Variants in INPP4A observed in about 807,000 individuals in gnomAD.
INPP4A encodes the protein inositol polyphosphate-4-phosphatase type I A, also known as inositol polyphosphate-4-phosphatase, type I, 107kD.
In INPP4A, 33 loss-of-function variants were observed where a neutral mutation model predicts 119.8. The observed-to-expected ratio is 0.28, with a 90% confidence interval of 0.21 to 0.37. INPP4A has a LOEUF of 0.37. Among genes scored for constraint, INPP4A ranks in the 10% least tolerant of loss-of-function variants. The pLI, the probability that INPP4A is intolerant of heterozygous loss-of-function variation, is 1.00. For missense variants in INPP4A, 956 were observed against 1,289.9 expected (o/e 0.74, Z 3.97); for synonymous variants, 496 against 500.7 (o/e 0.99, Z 0.12).
chr2:98,462,632 C>A (rs1193477169), intron 1 of INPP4A, among the ~76,000 whole-genome samples: 1 of 151,090 alleles, frequency 6.6e-6, no homozygotes, highest in African/African-American at 2.4e-5. Flanking sequence ...CTCAAGTGAT[C>A]TTCCCACTTT....
intron 1 of INPP4A, among the ~76,000 whole-genome samples, chr2:98,496,145 T>C (rs147566319): frequency 5.6e-4 from 85 of 152,170 alleles, no homozygotes; most frequent in Admixed American, 1.1e-3. Context: ...GGGAGGAGGG[T>C]ATAAATGAGA....
At chr2:98,467,002 C>G (rs1168783469) in intron 1 of INPP4A, among the ~76,000 whole-genome samples, 1 of 152,206 alleles carries the variant, frequency 6.6e-6, no homozygotes, top group Non-Finnish European at 1.5e-5. Flanking sequence ...GCTCACAATT[C>G]TGATGGCTGG....
chr2:98,493,588 G>C (rs988064602), intron 1 of INPP4A, among the ~76,000 whole-genome samples: 1 of 151,884 alleles, frequency 6.6e-6, no homozygotes, highest in Non-Finnish European at 1.5e-5. Flanking sequence ...GTAGAGACAG[G>C]GTTTCGCTAT....
At chr2:98,488,354 G>C (rs765466625) in intron 1 of INPP4A, among the ~76,000 whole-genome samples, 5 of 152,174 alleles carry the variant, frequency 3.3e-5, no homozygotes, top group Non-Finnish European at 7.3e-5. Context: ...ACTCAGCTGA[G>C]CAAAAGCAAA....
In INPP4A at chr2:98,533,515, C is replaced by T; in HGVS notation, c.270+20C>T. ...ATTGAGGTGGGTGCTGGTGGTCTCT[C>T]TCTGAGGGGCTGTGGGACATGCTCT... On this transcript the variant is annotated intron_variant, in intron 5 of 24. Coordinates refer to ENST00000409851, the MANE Select transcript of INPP4A (RefSeq NM_001134225.2). 7.1e-7 allele frequency: 1 copy of T among 1,415,376 alleles called. No homozygotes were observed. The highest frequency in any genetic ancestry group is 1.0e-6 in the Non-Finnish European group (1 of 998,930). 87.7% of individuals were successfully genotyped at this position (1,415,376 alleles called of 1,614,324 possible).
At chr2:98,573,990 A>T (rs1240725490) in intron 23 of INPP4A, among the ~76,000 whole-genome samples, 1 of 152,170 alleles carries the variant, frequency 6.6e-6, no homozygotes, top group East Asian at 1.9e-4. Flanking sequence ...ATCAATCTGC[A>T]GGTCTCCCCT....
intron 4 of INPP4A, among the ~76,000 whole-genome samples, chr2:98,526,332 G>A (rs1688177226): frequency 6.6e-6 from 1 of 152,124 alleles, no homozygotes; most frequent in South Asian, 2.1e-4. Context: ...AAAGCTCATT[G>A]AACAGAAAAA....
At chr2:98,540,224 G>T (rs756121321) in intron 10 of INPP4A, among the ~76,000 whole-genome samples, 4 of 152,220 alleles carry the variant, frequency 2.6e-5, no homozygotes, top group Non-Finnish European at 4.4e-5. Flanking sequence ...GAGCCACCAT[G>T]CCCGGCCTTC....
In INPP4A at chr2:98,451,549, C is replaced by T. The variant is rs3769742; in HGVS notation, c.-166+6464C>T. Among the ~76,000 whole-genome samples the T allele has an allele frequency of 6.5e-4, 99 of 152,238 alleles. 2 individuals carry two copies. The East Asian group carries it at 0.01, about 15-fold the overall frequency. ...TAGTTTTCCTGACCTCCGGTTGCTGCAGCGCCCCTCTTTTTGCACCTCACT... is the reference window on the plus strand; with the variant it reads ...TAGTTTTCCTGACCTCCGGTTGCTGTAGCGCCCCTCTTTTTGCACCTCACT... On this transcript the variant is annotated intron_variant, in intron 1 of 24. Coordinates refer to ENST00000409851, the MANE Select transcript of INPP4A (RefSeq NM_001134225.2).
At chr2:98,523,071 G>A (rs963576075) in intron 4 of INPP4A, among the ~76,000 whole-genome samples, 3 of 152,186 alleles carry the variant, frequency 2.0e-5, no homozygotes, top group Non-Finnish European at 4.4e-5. Context: ...CCAGGAAACA[G>A]GGTCATCACA....
chr2:98,578,136 C>T (rs1392152011), intron 24 of INPP4A, among the ~76,000 whole-genome samples: 1 of 152,174 alleles, frequency 6.6e-6, no homozygotes, highest in Admixed American at 6.5e-5. Context: ...AGCTCGCCAT[C>T]CCTCTGCCCA....
chr2:98,501,082 C>CG (rs1377735995), intron 1 of INPP4A, among the ~76,000 whole-genome samples: 1 of 152,156 alleles, frequency 6.6e-6, no homozygotes, highest in Admixed American at 6.5e-5. Flanking sequence ...TTTGGGAGGC[C>CG]GGGGCAGGCG....
rs1277035145 is a variant in INPP4A, at chr2:98,554,261, G to A, written c.1348-10G>A. On this transcript the variant is annotated splice_polypyrimidine_tract_variant and intron_variant, in intron 14 of 24. Coordinates refer to ENST00000409851, the MANE Select transcript of INPP4A (RefSeq NM_001134225.2). The surrounding 1 kb of genome is among the most constrained non-coding windows in gnomAD (Gnocchi z 4.7). ...TGGGCTCAGCAGCCTTGGTTTGTGT[G>A]CACCTGCAGACACGGCAGCTGGTCA... 1 of 1,588,776 alleles carries A rather than the reference G, an allele frequency of 6.3e-7. No homozygotes were observed. Among genetic ancestry groups the A allele is most frequent in the Non-Finnish European group, 8.6e-7 (1 of 1,167,640 alleles).
At chr2:98,504,613 G>A (rs934325169) in intron 1 of INPP4A, among the ~76,000 whole-genome samples, 2 of 152,152 alleles carry the variant, frequency 1.3e-5, no homozygotes, top group East Asian at 1.9e-4. Context: ...TTGTCTTCCC[G>A]GCATTTCATT....
chr2:98,564,518 C>T, intron 18 of INPP4A, 122 bp from the exon 19 acceptor site: 1 of 1,226,920 alleles, frequency 8.2e-7, no homozygotes, highest in Non-Finnish European at 1.2e-6. Context: ...TGGGAGGTGC[C>T]ACTGAAGCCC....
chr2:98,577,199 G>A, intron 24 of INPP4A, 56 bp downstream of exon 24: 3 of 1,505,668 alleles, frequency 2.0e-6, no homozygotes, highest in Admixed American at 2.1e-5. Flanking sequence ...GTAAACTGCA[G>A]ATGAGCTGGT....
In INPP4A at chr2:98,466,512, A is replaced by T. The variant is rs890985960; in HGVS notation, c.-166+21427A>T. On this transcript the variant is annotated intron_variant, in intron 1 of 24. Transcript: ENST00000409851. Reference sequence around the variant, plus strand: ...GCTGTGCCTCAGCATGCAGCACTTCATTTAATCCTCTGGACACCTTGAATG... The same window carrying T: ...GCTGTGCCTCAGCATGCAGCACTTCTTTTAATCCTCTGGACACCTTGAATG... Among the ~76,000 whole-genome samples, 15 of 152,342 alleles carry T rather than the reference A, an allele frequency of 9.8e-5. 1 individual carries two copies. The highest frequency in any genetic ancestry group is 3.6e-4 in the African/African-American group (15 of 41,576).
intron 1 of INPP4A, among the ~76,000 whole-genome samples, chr2:98,485,516 C>T (rs865879050): frequency 2.0e-4 from 31 of 152,132 alleles, no homozygotes; most frequent in African/African-American, 4.3e-4. Context: ...TGGCCACAGT[C>T]AGATTTCTTG....
chr2:98,523,073 G>A (rs896397163), intron 4 of INPP4A, among the ~76,000 whole-genome samples: 2 of 152,192 alleles, frequency 1.3e-5, no homozygotes, highest in Admixed American at 6.5e-5. Flanking sequence ...AGGAAACAGG[G>A]TCATCACAAG....
Sources: allele counts gnomAD v4.1 joint callset (sites outside exome capture counted in the v4.1 genomes callset), GRCh38; gene constraint gnomAD v4.1.1; non-coding constraint Gnocchi (gnomAD v3.1); transcripts MANE v1.5; gene names NCBI Gene and HGNC (gene_info 2026-07-23, HGNC 2026-07-21).